Variants in AGPS observed in about 807,000 individuals in gnomAD.
The protein encoded by AGPS is alkylglycerone phosphate synthase, also known as alkyldihydroxyacetonephosphate synthase, peroxisomal.
Under a neutral mutation model 90.7 loss-of-function variants are expected in AGPS, and 26 were observed. The ratio of observed to expected loss-of-function variants is 0.29; its 90% CI spans 0.21 to 0.40. The LOEUF (loss-of-function observed/expected upper bound fraction) is 0.40. Ranked by LOEUF, AGPS falls within the 10% of genes least tolerant of loss-of-function variation. The pLI, the probability that AGPS is intolerant of heterozygous loss-of-function variation, is 1.00. For missense variants in AGPS, 540 were observed against 816.1 expected, an observed-to-expected ratio of 0.66 and a Z score of 4.12; for synonymous variants, 294 against 285.3, an observed-to-expected ratio of 1.03 and a Z score of -0.31.
intron 8 of AGPS, among the ~76,000 whole-genome samples, chr2:177,460,922 A>G (rs1687273594): frequency 6.6e-6 from 1 of 152,256 alleles, no homozygotes; most frequent in Admixed American, 6.5e-5. Context: ...TATTGCTGAT[A>G]TGCAAAACCT....
At position 177,436,139 on chromosome 2, in the gene AGPS, A is replaced by ATTTTTTTTTTTTT. The variant is rs1172040227; in HGVS notation, c.442-618_442-606dup. Among the ~76,000 whole-genome samples, 79 of 82,116 alleles carry ATTTTTTTTTTTTT rather than the reference A, an allele frequency of 9.6e-4. 5 individuals carry two copies. Among genetic ancestry groups the ATTTTTTTTTTTTT allele is most frequent in the Non-Finnish European group, 1.0e-3 (46 of 45,718 alleles). 53.9% of individuals were successfully genotyped at this position (82,116 alleles called of 152,430 possible). A position where few individuals can be genotyped will look rare whatever the true frequency, so the allele number is the denominator to read the frequency against. On this transcript the variant is annotated intron_variant, in intron 3 of 19. Coordinates refer to ENST00000264167, the MANE Select transcript of AGPS (RefSeq NM_003659.4). ...GCAATTGAAGAATAAGAAATGCTGA[A>ATTTTTTTTTTTTT]TTTTTTTTTTTTTTTTTTTGCGACA...
chr2:177,420,441 T>C, intron 2 of AGPS, 83 bp downstream of exon 2: 1 of 997,034 alleles, frequency 1.0e-6, no homozygotes, highest in Non-Finnish European at 1.6e-6. Context: ...GAAAATATAA[T>C]GATTCCTCCT....
At chr2:177,513,005 A>G (rs1255536668) in intron 16 of AGPS, among the ~76,000 whole-genome samples, 2 of 151,816 alleles carry the variant, frequency 1.3e-5, no homozygotes. Context: ...CACCTTGCCC[A>G]ACTAATTTTT....
At chr2:177,497,434 G>T (rs973055616) in intron 12 of AGPS, among the ~76,000 whole-genome samples, 1 of 151,750 alleles carries the variant, frequency 6.6e-6, no homozygotes, top group Non-Finnish European at 1.5e-5. Context: ...ATAGTGATTT[G>T]ACTTAAAAAA....
At chr2:177,520,677 TGAA>T (rs756044728) in intron 17 of AGPS, among the ~76,000 whole-genome samples, 4 of 152,206 alleles carry the variant, frequency 2.6e-5, no homozygotes, top group Admixed American at 6.5e-5. Flanking sequence ...ACAAGTCACA[TGAA>T]GAACTTAATT....
chr2:177,537,937 A>T (rs1205817152), intron 19 of AGPS, 137 bp from the exon 20 acceptor site: 1 of 1,275,740 alleles, frequency 7.8e-7, no homozygotes, highest in Non-Finnish European at 1.1e-6. Flanking sequence ...GGGCTCAATA[A>T]ATCAAATAAA....
rs1390537816 is a variant in AGPS at position 177,538,273 on chromosome 2, A to G, written c.*78A>G. The G allele has an allele frequency of 4.3e-6, 6 of 1,398,298 alleles. No individual in the cohort carries two copies. The highest frequency in any genetic ancestry group is 6.0e-6 in the Non-Finnish European group (6 of 992,458). The allele number at this position is 1,398,298 out of a possible 1,614,324, so 86.6% of individuals were successfully genotyped here. Reference sequence around the variant, plus strand: ...TGTGGTTATACTAGTAATCAAATATATCATGGACTATATTTTGGATACATT... The same window carrying G: ...TGTGGTTATACTAGTAATCAAATATGTCATGGACTATATTTTGGATACATT... On this transcript the variant is annotated 3_prime_UTR_variant, in exon 20 of 20. Coordinates refer to ENST00000264167, the MANE Select transcript of AGPS (RefSeq NM_003659.4).
rs767417955 is a variant in AGPS at position 177,508,061 on chromosome 2, T to G, written c.1607+30T>G. The G allele has an allele frequency of 1.2e-5, 18 of 1,503,274 alleles. No homozygotes were observed. In the South Asian group the frequency reaches 2.0e-4, roughly 17 times the overall value. The allele number at this position is 1,503,274 out of a possible 1,614,324, so 93.1% of individuals were successfully genotyped here. On this transcript the variant is annotated intron_variant, in intron 16 of 19. Coordinates refer to ENST00000264167, the MANE Select transcript of AGPS (RefSeq NM_003659.4). ...AATATACTAAAGTGCCTGATATTAT[T>G]CAAATATGCGATATGAATTGCTTGA...
intron 2 of AGPS, among the ~76,000 whole-genome samples, chr2:177,427,941 C>T (rs916801924): frequency 1.3e-5 from 2 of 152,054 alleles, no homozygotes; most frequent in Admixed American, 1.3e-4. Context: ...AAGCCTCTCA[C>T]TATTATTGTG....
At chr2:177,411,258 C>T (rs993406276) in intron 1 of AGPS, among the ~76,000 whole-genome samples, 3 of 152,182 alleles carry the variant, frequency 2.0e-5, no homozygotes, top group African/African-American at 7.2e-5. Flanking sequence ...ATTAGTTGGC[C>T]TTCAATAGAG....
intron 1 of AGPS, among the ~76,000 whole-genome samples, chr2:177,419,204 T>C (rs916866695): frequency 5.3e-5 from 8 of 150,052 alleles, no homozygotes; most frequent in Non-Finnish European, 1.2e-4. Context: ...AGAATTATGA[T>C]TGTAATAAAA....
intron 8 of AGPS, among the ~76,000 whole-genome samples, chr2:177,459,852 A>G (rs1314920424): frequency 1.3e-5 from 2 of 152,258 alleles, no homozygotes; most frequent in Non-Finnish European, 2.9e-5. Context: ...CCTACGATAA[A>G]GACACATGCA....
At chr2:177,459,247 G>A (rs1384601568) in intron 8 of AGPS, among the ~76,000 whole-genome samples, 5 of 152,202 alleles carry the variant, frequency 3.3e-5, no homozygotes, top group Non-Finnish European at 1.5e-5. Context: ...ATGCCATTTA[G>A]GACATAGGCA....
chr2:177,520,543 A>G (rs1689149797), intron 17 of AGPS, among the ~76,000 whole-genome samples: 1 of 152,192 alleles, frequency 6.6e-6, no homozygotes, highest in African/African-American at 2.4e-5. Flanking sequence ...GTGGCAGTAC[A>G]AAATGTAGTT....
At chr2:177,397,747 G>A (rs1297547261) in intron 1 of AGPS, among the ~76,000 whole-genome samples, 3 of 152,168 alleles carry the variant, frequency 2.0e-5, no homozygotes, top group South Asian at 2.1e-4. Flanking sequence ...GTATATTAAC[G>A]TCGGGCATGG....
At chr2:177,393,100 T>G in intron 1 of AGPS, 51 bp downstream of exon 1, 1 of 1,550,066 alleles carries the variant, frequency 6.5e-7, no homozygotes, top group South Asian at 1.2e-5. Context: ...AGGCCGGGCC[T>G]GTGCTGCAGG....
In AGPS at chr2:177,436,468, C is replaced by T. The variant is rs546594286; in HGVS notation, c.442-296C>T. ...CCCGGCCAGAAATGCTAAATTTTAT[C>T]GACAGGTATAAGTGTAGATAGTGCG... On this transcript the variant is annotated intron_variant, in intron 3 of 19. Transcript: ENST00000264167. 2.6e-5 allele frequency among the ~76,000 whole-genome samples: 4 copies of T among 152,156 alleles called. No individual in the cohort carries two copies. The East Asian group carries it at 7.7e-4, about 29-fold the overall frequency.
In AGPS at chr2:177,481,916, G is replaced by T. The variant is rs1687956573; in HGVS notation, c.1106-143G>T. The stretch of plus-strand genomic sequence containing the variant: ...TTAATTTTATAATTTTTTCTAGAAT[G>T]ACTTGAGTAGCCATTATTCCCCAGG... On this transcript the variant is annotated intron_variant, in intron 10 of 19. Transcript: ENST00000264167. 1.7e-5 allele frequency: 12 copies of T among 715,550 alleles called. No homozygotes were observed. In the South Asian group the frequency reaches 2.3e-4, roughly 14 times the overall value. 44.3% of individuals were successfully genotyped at this position (715,550 alleles called of 1,614,324 possible).
At chr2:177,425,562 G>A (rs914260209) in intron 2 of AGPS, among the ~76,000 whole-genome samples, 112 of 150,558 alleles carry the variant, frequency 7.4e-4, no homozygotes, top group Non-Finnish European at 1.2e-3. Flanking sequence ...TGGAGGTTGC[G>A]GTGAGCCAAG....
Sources: gnomAD v4.1 joint callset for allele counts (sites outside exome capture counted in the v4.1 genomes callset) on GRCh38, gnomAD v4.1.1 for gene constraint, MANE v1.5 for transcripts, NCBI Gene and HGNC (gene_info 2026-07-23, HGNC 2026-07-21) for gene names.